Variants in EDEM3 observed in about 807,000 individuals in gnomAD.
The protein encoded by EDEM3 is ER degradation enhancing alpha-mannosidase like protein 3.
A neutral mutation model predicts 110.2 loss-of-function variants in EDEM3; 60 were observed. That is an observed-to-expected ratio of 0.54 (90% CI 0.44 to 0.67). The LOEUF (loss-of-function observed/expected upper bound fraction) is 0.67. EDEM3 is among the 30% of genes least tolerant of loss of function. The pLI is 0.00. For synonymous variants in EDEM3, 352 were observed against 382.9 expected (o/e 0.92, Z 0.94); for missense variants, 996 against 1,121.0 (o/e 0.89, Z 1.59).
At chr1:184,754,095 T>C (rs1652941995) in intron 1 of EDEM3, among the ~76,000 whole-genome samples, 1 of 152,198 alleles carries the variant, frequency 6.6e-6, no homozygotes, top group African/African-American at 2.4e-5. Flanking sequence ...ATCAGCAACA[T>C]TTTCCCAGTT....
chr1:184,748,279 T>C (rs1173421493), intron 2 of EDEM3, among the ~76,000 whole-genome samples: 2 of 151,984 alleles, frequency 1.3e-5, no homozygotes, highest in African/African-American at 4.8e-5. Flanking sequence ...AAACCCCATC[T>C]CTACCAAAAA....
chr1:184,695,007 T>C (rs1180712968), intron 19 of EDEM3, among the ~76,000 whole-genome samples: 1 of 152,036 alleles, frequency 6.6e-6, no homozygotes, highest in Non-Finnish European at 1.5e-5. Flanking sequence ...TGATCAGAAA[T>C]ACTTTCACAA....
rs114869856 is a variant in EDEM3, at chr1:184,738,573, G to A, written c.205-862C>T. 4.2e-3 allele frequency among the ~76,000 whole-genome samples: 633 copies of A among 152,226 alleles called. 5 individuals are homozygous for A. The highest frequency in any genetic ancestry group is 0.036 in the East Asian group (184 of 5,178). On this transcript the variant is annotated intron_variant, in intron 2 of 19. Transcript: ENST00000318130. ...AGACCCATTAGGGTCAAAGGTATGT[G>A]TAACTAATTTTTGGTAAATGCTACA...
intron 6 of EDEM3, among the ~76,000 whole-genome samples, chr1:184,727,454 G>A (rs915765028): frequency 1.3e-5 from 2 of 151,990 alleles, no homozygotes; most frequent in African/African-American, 4.8e-5. Flanking sequence ...AAAACATCAC[G>A]GGTATACTCT....
At chr1:184,702,788 A>G in intron 19 of EDEM3, 23 bp downstream of exon 19, 1 of 1,501,430 alleles carries the variant, frequency 6.7e-7, no homozygotes, top group Non-Finnish European at 8.9e-7. Context: ...TGCATAAAAA[A>G]ACAAATGGTA....
At chr1:184,739,808 C>T (rs1652035272) in intron 2 of EDEM3, among the ~76,000 whole-genome samples, 1 of 152,168 alleles carries the variant, frequency 6.6e-6, no homozygotes, top group South Asian at 2.1e-4. Context: ...TTTTTTAACA[C>T]ATAGTTGAGC....
At chr1:184,717,781 T>C (rs930498424) in intron 11 of EDEM3, among the ~76,000 whole-genome samples, 158 bp from the exon 12 acceptor site, 6 of 151,980 alleles carry the variant, frequency 3.9e-5, no homozygotes, top group African/African-American at 9.7e-5. Flanking sequence ...AAAATAACAA[T>C]TCATTTTGCA....
chr1:184,731,095 C>A lies in EDEM3; in HGVS notation c.612+1742G>T, dbSNP rs148721455. On this transcript the variant is annotated intron_variant, in intron 6 of 19. Transcript: ENST00000318130. ...TAGTGATACTGGTTTTTCAAGTGCT[C>A]TGAAGCATAAACCAAGAGAGAAAGA... is the stretch of plus-strand genomic sequence containing the variant. Among the ~76,000 whole-genome samples the A allele has an allele frequency of 1.1e-3, 169 of 152,098 alleles. 2 individuals carry two copies. The highest frequency in any genetic ancestry group is 8.3e-3 in the South Asian group (40 of 4,820).
intron 15 of EDEM3, among the ~76,000 whole-genome samples, chr1:184,711,361 G>C (rs1043352523): frequency 9.2e-5 from 14 of 152,204 alleles, no homozygotes; most frequent in African/African-American, 3.4e-4. Context: ...TGGCCTCCCA[G>C]TGTCCTCAGA....
intron 16 of EDEM3, among the ~76,000 whole-genome samples, chr1:184,709,250 T>G (rs1453391915): frequency 6.6e-6 from 1 of 152,112 alleles, no homozygotes; most frequent in African/African-American, 2.4e-5. Context: ...GAGATTGAGA[T>G]GCAAGATGTA....
intron 2 of EDEM3, among the ~76,000 whole-genome samples, chr1:184,746,364 T>C (rs1197705223): frequency 6.6e-6 from 1 of 152,214 alleles, no homozygotes; most frequent in Non-Finnish European, 1.5e-5. Flanking sequence ...CTATGTACTA[T>C]CTGGAGAACA....
intron 8 of EDEM3, among the ~76,000 whole-genome samples, chr1:184,721,706 C>G (rs1270908130): frequency 6.6e-6 from 1 of 151,078 alleles, no homozygotes; most frequent in African/African-American, 2.4e-5. Flanking sequence ...TTTGCTTTTT[C>G]CTAAAAAGGA....
In EDEM3 at chr1:184,738,746, T is replaced by C. The variant is rs148335484; in HGVS notation, c.205-1035A>G. Among the ~76,000 whole-genome samples, 634 of 152,340 alleles carry C rather than the reference T, an allele frequency of 4.2e-3. 5 individuals are homozygous for C. The highest frequency in any genetic ancestry group is 0.036 in the East Asian group (185 of 5,194). ...AAACATCTTTTTGTATTATCCATTG[T>C]TATTTCTTTTTTGAAATGTCTGTTG... On this transcript the variant is annotated intron_variant, in intron 2 of 19. Transcript: ENST00000318130.
chr1:184,746,262 G>A (rs151212290), intron 2 of EDEM3, among the ~76,000 whole-genome samples: 10 of 152,302 alleles, frequency 6.6e-5, no homozygotes, highest in African/African-American at 1.9e-4. Context: ...TTAAGAAATA[G>A]CATTAATAGA....
rs533374227 is a variant in EDEM3 at position 184,702,126 on chromosome 1, C to A, written c.2389+685G>T. ...CACATTCCCTCATTTCTCCTCTATCCCTGGGTGTGAAACTATGTAAGAATA... is the reference window on the plus strand; with the variant it reads ...CACATTCCCTCATTTCTCCTCTATCACTGGGTGTGAAACTATGTAAGAATA... On this transcript the variant is annotated intron_variant, in intron 19 of 19. Transcript: ENST00000318130. Among the ~76,000 whole-genome samples, 5 of 152,230 alleles carry A rather than the reference C, an allele frequency of 3.3e-5. No individual in the cohort carries two copies. In the East Asian group the frequency reaches 9.6e-4, roughly 29 times the overall value.
intron 17 of EDEM3, 139 bp downstream of exon 17, chr1:184,708,009 TTTTAC>T (rs1650024149): frequency 6.8e-6 from 5 of 733,786 alleles, no homozygotes; most frequent in Non-Finnish European, 1.0e-5. Flanking sequence ...CAAGACATGC[TTTTAC>T]TTTACTTAAA....
chr1:184,726,798 T>C (rs1256428005), intron 6 of EDEM3, among the ~76,000 whole-genome samples: 2 of 152,172 alleles, frequency 1.3e-5, no homozygotes, highest in Non-Finnish European at 2.9e-5. Context: ...TAGTTTAGAA[T>C]TTGTGAAAAA....
intron 18 of EDEM3, among the ~76,000 whole-genome samples, chr1:184,703,868 T>A (rs912845801): frequency 6.6e-6 from 1 of 152,138 alleles, no homozygotes; most frequent in East Asian, 1.9e-4. Flanking sequence ...AATAGTCCAG[T>A]TGAATGACAC....
chr1:184,734,029 T>G lies in EDEM3; in HGVS notation c.458+502A>C, dbSNP rs527581120. Reference sequence around the variant, plus strand: ...ACAACATACAGATATTACCTTTCAGTCTAGAGACGTCTGTGAGTGATTAAA... The same window carrying G: ...ACAACATACAGATATTACCTTTCAGGCTAGAGACGTCTGTGAGTGATTAAA... On this transcript the variant is annotated intron_variant, in intron 5 of 19. Coordinates refer to ENST00000318130, the MANE Select transcript of EDEM3 (RefSeq NM_025191.4). Among the ~76,000 whole-genome samples the G allele has an allele frequency of 1.3e-4, 20 of 152,300 alleles. 1 individual carries two copies. In the South Asian group the frequency reaches 2.7e-3, roughly 21 times the overall value.
Sources: gnomAD v4.1 joint callset for allele counts (sites outside exome capture counted in the v4.1 genomes callset) on GRCh38, gnomAD v4.1.1 for gene constraint, MANE v1.5 for transcripts, NCBI Gene and HGNC (gene_info 2026-07-23, HGNC 2026-07-21) for gene names.